POU2AF2: variants seen among roughly 807,000 people sequenced by gnomAD.
POU2AF2 encodes POU class 2 homeobox associating factor 2.
At chr11:111,276,453 A>AAAAATATATATATATATATAT in the POU2AF2 span, among the ~76,000 whole-genome samples, 7 of 37,650 alleles carry the variant, frequency 1.9e-4, no homozygotes, top group African/African-American at 2.9e-4. Context: ...AAAAAAAAAA[A>AAAAATATATATATATATATAT]ATATATATAT....
the POU2AF2 span, among the ~76,000 whole-genome samples, chr11:111,269,120 C>T: frequency 6.6e-6 from 1 of 152,074 alleles, no homozygotes; most frequent in Admixed American, 6.5e-5. Context: ...ATACCTTTTG[C>T]TCCATCTCAT....
chr11:111,256,088 T>G, the POU2AF2 span: 2 of 399,064 alleles, frequency 5.0e-6, no homozygotes, highest in Non-Finnish European at 8.8e-6. Flanking sequence ...AACTCAAGAC[T>G]TAATGTAAGT....
chr11:111,285,752 T>C, the POU2AF2 span: 14 of 1,613,212 alleles, frequency 8.7e-6, no homozygotes, highest in Admixed American at 1.7e-4. Context: ...GAGTTGCCTC[T>C]CCCAGCTTGA....
chr11:111,259,288 A>G, the POU2AF2 span, among the ~76,000 whole-genome samples: 1 of 149,988 alleles, frequency 6.7e-6, no homozygotes, highest in Non-Finnish European at 1.5e-5. Context: ...CAAGTAGCAG[A>G]TGACTCCTAA....
the POU2AF2 span, among the ~76,000 whole-genome samples, chr11:111,266,277 C>A: frequency 6.6e-6 from 1 of 152,066 alleles, no homozygotes; most frequent in Non-Finnish European, 1.5e-5. Context: ...CAGTGTTCTC[C>A]GTGTGTTTCC....
At chr11:111,274,001 G>A in the POU2AF2 span, among the ~76,000 whole-genome samples, 1 of 152,092 alleles carries the variant, frequency 6.6e-6, no homozygotes, top group African/African-American at 2.4e-5. Context: ...TAATTTCAAT[G>A]TTATTTTTTG....
the POU2AF2 span, among the ~76,000 whole-genome samples, chr11:111,250,472 A>G: frequency 6.6e-6 from 1 of 152,358 alleles, no homozygotes; most frequent in African/African-American, 2.4e-5. Context: ...AACCAAAAAC[A>G]AATTGTTTTC....
At chr11:111,270,917 C>T in the POU2AF2 span, among the ~76,000 whole-genome samples, 7 of 152,334 alleles carry the variant, frequency 4.6e-5, no homozygotes, top group East Asian at 1.2e-3. Flanking sequence ...CATCACTGGG[C>T]TCTATTCACC....
At chr11:111,252,175 A>G in the POU2AF2 span, among the ~76,000 whole-genome samples, 12 of 152,200 alleles carry the variant, frequency 7.9e-5, no homozygotes, top group Admixed American at 5.9e-4. Flanking sequence ...CTAAGTCCAC[A>G]TCGACCTCAG....
At chr11:111,283,567 G>A in the POU2AF2 span, among the ~76,000 whole-genome samples, 1 of 152,202 alleles carries the variant, frequency 6.6e-6, no homozygotes, top group African/African-American at 2.4e-5. Flanking sequence ...CCCAGTGTAA[G>A]GTCAATGTGT....
the POU2AF2 span, among the ~76,000 whole-genome samples, chr11:111,262,361 T>A: frequency 6.6e-6 from 1 of 152,186 alleles, no homozygotes; most frequent in Non-Finnish European, 1.5e-5. Context: ...TCTATCTTAG[T>A]CCCTAAAACC....
chr11:111,276,641 C>T, the POU2AF2 span, among the ~76,000 whole-genome samples: 3 of 100,760 alleles, frequency 3.0e-5, no homozygotes, highest in South Asian at 9.2e-4. Flanking sequence ...GATTCCATCA[C>T]AAAAAAAAAA....
At chr11:111,274,650 G>A in the POU2AF2 span, among the ~76,000 whole-genome samples, 1 of 149,928 alleles carries the variant, frequency 6.7e-6, no homozygotes, top group African/African-American at 2.4e-5. Context: ...CTCTTTGTGA[G>A]CTTTTATATA....
the POU2AF2 span, among the ~76,000 whole-genome samples, chr11:111,266,420 A>G: frequency 6.6e-6 from 1 of 152,166 alleles, no homozygotes; most frequent in African/African-American, 2.4e-5. Flanking sequence ...TGAAAAAGAT[A>G]AATTCCCTTT....
At chr11:111,262,617 T>A in the POU2AF2 span, among the ~76,000 whole-genome samples, 1 of 152,184 alleles carries the variant, frequency 6.6e-6, no homozygotes, top group Non-Finnish European at 1.5e-5. Flanking sequence ...AACACATCTC[T>A]CCTCCACCAA....
chr11:111,270,271 CA>C, the POU2AF2 span, among the ~76,000 whole-genome samples: 1 of 152,182 alleles, frequency 6.6e-6, no homozygotes, highest in Non-Finnish European at 1.5e-5. Flanking sequence ...TGCACTATTA[CA>C]AAAAATGCAT....
chr11:111,259,765 G>A, the POU2AF2 span, among the ~76,000 whole-genome samples: 1 of 152,194 alleles, frequency 6.6e-6, no homozygotes, highest in Non-Finnish European at 1.5e-5. Flanking sequence ...AACCATGGTA[G>A]CTATTCTCAG....
At chr11:111,285,646 T>A in the POU2AF2 span, 3 of 1,601,192 alleles carry the variant, frequency 1.9e-6, no homozygotes, top group Non-Finnish European at 1.7e-6. Flanking sequence ...CTTTCCATTC[T>A]CCTCAGAGGG....
At chr11:111,276,439 G>GAAAAA in the POU2AF2 span, among the ~76,000 whole-genome samples, 83 of 44,398 alleles carry the variant, frequency 1.9e-3, 1 homozygote, top group South Asian at 3.1e-3. Context: ...CTACTAAAAA[G>GAAAAA]AAAAAAAAAA....
Sources: gnomAD v4.1 joint callset for allele counts (sites outside exome capture counted in the v4.1 genomes callset) on GRCh38, gnomAD v4.1.1 for gene constraint, MANE v1.5 for transcripts, NCBI Gene and HGNC (gene_info 2026-07-23, HGNC 2026-07-21) for gene names.